The following MAP6 variants were observed in gnomAD, a reference collection of about 807,000 sequenced individuals.
The protein encoded by MAP6 is microtubule-associated protein 6.
In MAP6, 26 loss-of-function variants were observed where a neutral mutation model predicts 42.4. The ratio of observed to expected loss-of-function variants is 0.61; its 90% CI spans 0.45 to 0.85. MAP6 has a LOEUF of 0.85. MAP6 is among the 40% of genes least tolerant of loss of function. The pLI is 0.00. For synonymous variants in MAP6, 418 were observed against 443.8 expected (o/e 0.94, Z 0.73); for missense variants, 966 against 1,099.0 (o/e 0.88, Z 1.71).
At chr11:75,604,951 C>T (rs951490625) in intron 3 of MAP6, 222 of 985,242 alleles carry the variant, frequency 2.3e-4, no homozygotes, top group Non-Finnish European at 2.5e-4. Flanking sequence ...TCCAAACACA[C>T]TATCCCTACA....
intron 3 of MAP6, among the ~76,000 whole-genome samples, chr11:75,590,663 A>C (rs1197999408): frequency 1.3e-5 from 2 of 152,258 alleles, no homozygotes; most frequent in Non-Finnish European, 2.9e-5. Context: ...GAATTAAATC[A>C]AGTCCCCAAT....
intron 2 of MAP6, chr11:75,607,520 CTG>C (rs1942802027): frequency 1.0e-6 from 1 of 985,334 alleles, no homozygotes; most frequent in Admixed American, 6.1e-5. Flanking sequence ...CTTTCACAAA[CTG>C]TTCATTTTGG....
intron 3 of MAP6, among the ~76,000 whole-genome samples, chr11:75,601,519 C>A (rs2135580925): frequency 6.6e-6 from 1 of 152,138 alleles, no homozygotes; most frequent in East Asian, 1.9e-4. Context: ...ATGATTTCTA[C>A]CCCTGCCTCC....
intron 1 of MAP6, among the ~76,000 whole-genome samples, chr11:75,652,309 T>C (rs1272780352): frequency 6.6e-6 from 1 of 152,184 alleles, no homozygotes; most frequent in East Asian, 1.9e-4. Flanking sequence ...TCACTTCTTA[T>C]ACTTGGAACA....
At chr11:75,624,914 C>T (rs546233211) in intron 1 of MAP6, among the ~76,000 whole-genome samples, 3 of 152,130 alleles carry the variant, frequency 2.0e-5, no homozygotes, top group Non-Finnish European at 4.4e-5. Context: ...CGATTCTGTT[C>T]AACACGCATT....
At position 75,587,469 on chromosome 11, in the gene MAP6, C is replaced by G. The variant is rs185874343; in HGVS notation, c.2032G>C (p.Gly678Arg). The change falls in exon 4 of 4, where the codon GGG (glycine) becomes CGG (arginine). Residue 678 changes from glycine (G) to arginine (R), a missense_variant. By Grantham distance (125) the Gly-to-Arg change is moderately radical. This residue lies in a region of MAP6 where 943 missense variants were observed against 1,049.9 expected (regional missense o/e 0.90). Transcript: ENST00000304771. The stretch of plus-strand genomic sequence containing the variant: ...ACAACATCTTGATCCTTGACTGGCC[C>G]TGAGACCACTAAACCTTGATTCTTT... ...PVKNQGLVVSGPVKDQDVVVP... is the reference protein window; with the variant it reads ...PVKNQGLVVSRPVKDQDVVVP... 7.3e-5 allele frequency: 118 copies of G among 1,614,120 alleles called. No homozygotes were observed. In the African/African-American group the frequency reaches 1.1e-3, roughly 15 times the overall value.
chr11:75,627,673 T>C (rs576276504), intron 1 of MAP6, among the ~76,000 whole-genome samples: 2 of 152,206 alleles, frequency 1.3e-5, no homozygotes, highest in African/African-American at 2.4e-5. Flanking sequence ...ACTTTTTCAC[T>C]ACCTCATTCA....
rs550212315 is a variant in MAP6, at chr11:75,614,073, C to T, written c.906-5751G>A. Among the ~76,000 whole-genome samples, 3 of 152,322 alleles carry T rather than the reference C, an allele frequency of 2.0e-5. No individual in the cohort carries two copies. The South Asian group carries it at 6.2e-4, about 32-fold the overall frequency. On this transcript the variant is annotated intron_variant, in intron 1 of 3. Coordinates refer to ENST00000304771, the MANE Select transcript of MAP6 (RefSeq NM_033063.2). ...CTCTCTGTTCCTTCTCTGACCTGTA[C>T]CTCTCTGTAGCATGCACTGTGCTAT...
intron 1 of MAP6, among the ~76,000 whole-genome samples, chr11:75,652,561 T>C (rs1187330154): frequency 6.6e-6 from 1 of 152,104 alleles, no homozygotes; most frequent in Admixed American, 6.6e-5. Context: ...ATCTGGGCCA[T>C]GCATGGTGGC....
At chr11:75,608,858 C>G (rs1461628438) in intron 1 of MAP6, among the ~76,000 whole-genome samples, 1 of 152,132 alleles carries the variant, frequency 6.6e-6, no homozygotes, top group East Asian at 1.9e-4. Context: ...ATTTGAATAG[C>G]AGAGGGCTTG....
At chr11:75,630,787 C>A (rs1412383901) in intron 1 of MAP6, among the ~76,000 whole-genome samples, 2 of 152,200 alleles carry the variant, frequency 1.3e-5, no homozygotes, top group South Asian at 4.1e-4. Flanking sequence ...GCTTAACTTA[C>A]AAAGGCTCGT....
At chr11:75,589,746 A>G (rs1942442500) in intron 3 of MAP6, among the ~76,000 whole-genome samples, 1 of 152,214 alleles carries the variant, frequency 6.6e-6, no homozygotes, top group Non-Finnish European at 1.5e-5. Flanking sequence ...GAAATCTATA[A>G]TGATTAGAGG....
chr11:75,663,115 C>A (rs1002915599), intron 1 of MAP6, among the ~76,000 whole-genome samples: 4 of 152,016 alleles, frequency 2.6e-5, no homozygotes, highest in Non-Finnish European at 5.9e-5. Flanking sequence ...GCGCACCCCA[C>A]CACGCCCGGC....
chr11:75,590,311 A>G lies in MAP6; in HGVS notation c.1317-2127T>C, dbSNP rs1942454835. On this transcript the variant is annotated intron_variant, in intron 3 of 3. Transcript: ENST00000304771. The stretch of plus-strand genomic sequence containing the variant: ...CAGGGTGAGGAAGCTGAGAAGGGAC[A>G]AAAGAAAAAAAAGGGAGCTTAACTC... Among the ~76,000 whole-genome samples, 3 of 152,212 alleles carry G rather than the reference A, an allele frequency of 2.0e-5. No homozygotes were observed. In the South Asian group the frequency reaches 6.2e-4, roughly 32 times the overall value.
At chr11:75,649,299 A>G (rs1004500946) in intron 1 of MAP6, among the ~76,000 whole-genome samples, 17 of 152,198 alleles carry the variant, frequency 1.1e-4, no homozygotes, top group Non-Finnish European at 2.2e-4. Flanking sequence ...AAACAAAGTG[A>G]CAGAATGATA....
At position 75,668,374 on chromosome 11, in the gene MAP6, C is replaced by T. The variant is rs1490634736; in HGVS notation, c.-5G>A. On this transcript the variant is annotated 5_prime_UTR_variant, in exon 1 of 4. Transcript: ENST00000304771. ...CGTGATGCACGGCCACGCCATGATG[C>T]TAGCTGAAAAGCCGGCCTCCTCTTT... is the stretch of plus-strand genomic sequence containing the variant. 2 of 1,567,530 alleles carry T rather than the reference C, an allele frequency of 1.3e-6. No individual in the cohort carries two copies. Among genetic ancestry groups the T allele is most frequent in the Non-Finnish European group, 1.7e-6 (2 of 1,164,690 alleles).
At position 75,633,946 on chromosome 11, in the gene MAP6, C is replaced by T. The variant is rs1455786267; in HGVS notation, c.906-25624G>A. On this transcript the variant is annotated intron_variant, in intron 1 of 3. Coordinates refer to ENST00000304771, the MANE Select transcript of MAP6 (RefSeq NM_033063.2). The stretch of plus-strand genomic sequence containing the variant: ...AGACCTGATGTAGCTCCGAGTGGCA[C>T]GATTTGACTCTTGGTTTATGTTTAC... 2.6e-5 allele frequency among the ~76,000 whole-genome samples: 4 copies of T among 152,130 alleles called. No individual in the cohort carries two copies. In the East Asian group the frequency reaches 5.8e-4, roughly 22 times the overall value.
At chr11:75,616,617 G>C (rs1942998768) in intron 1 of MAP6, among the ~76,000 whole-genome samples, 1 of 152,156 alleles carries the variant, frequency 6.6e-6, no homozygotes, top group South Asian at 2.1e-4. Context: ...GAACAACCTG[G>C]GGCCTAGAGG....
chr11:75,614,377 G>A (rs1942959644), intron 1 of MAP6, among the ~76,000 whole-genome samples: 1 of 152,176 alleles, frequency 6.6e-6, no homozygotes, highest in South Asian at 2.1e-4. Context: ...TCTTCAGTGT[G>A]GTTGGACTTG....
Sources: gnomAD v4.1 joint callset for allele counts (sites outside exome capture counted in the v4.1 genomes callset) on GRCh38, gnomAD v4.1.1 for gene constraint, gnomAD v4.1.1 regional missense constraint, MANE v1.5 for transcripts, NCBI Gene and HGNC (gene_info 2026-07-23, HGNC 2026-07-21) for gene names.